DGKB: variants seen among roughly 807,000 people sequenced by gnomAD.
DGKB encodes the protein diacylglycerol kinase beta, also known as 90 kDa diacylglycerol kinase.
In DGKB, 67 loss-of-function variants were observed where a neutral mutation model predicts 114.3. The observed-to-expected ratio is 0.59, with a 90% CI of 0.48 to 0.72. The LOEUF is 0.72. Ranked by LOEUF, DGKB falls within the 30% of genes least tolerant of loss-of-function variation. The probability of loss-of-function intolerance (pLI) is 0.00; values close to 1 mark genes in which losing one functional copy is unlikely to be tolerated. For synonymous variants in DGKB, 398 were observed against 323.1 expected (o/e 1.23, Z -2.49); for missense variants, 907 against 975.2 (o/e 0.93, Z 0.93).
At chr7:14,856,614 T>C (rs1850186709) in intron 1 of DGKB, among the ~76,000 whole-genome samples, 1 of 152,100 alleles carries the variant, frequency 6.6e-6, no homozygotes, top group Non-Finnish European at 1.5e-5. Flanking sequence ...TGCACGTGGC[T>C]CTGTCTCATT....
At chr7:14,875,251 C>T (rs1341071495) in intron 1 of DGKB, among the ~76,000 whole-genome samples, 1 of 152,002 alleles carries the variant, frequency 6.6e-6, no homozygotes, top group Non-Finnish European at 1.5e-5. Context: ...AAGTTTCATA[C>T]CTCTATATTT....
chr7:14,552,466 G>C (rs1285547485), intron 20 of DGKB, among the ~76,000 whole-genome samples: 2 of 152,084 alleles, frequency 1.3e-5, no homozygotes, highest in Non-Finnish European at 1.5e-5. Context: ...CCCATAAAGA[G>C]TATATTTTGC....
chr7:14,811,341 G>T (rs73070769), intron 2 of DGKB, among the ~76,000 whole-genome samples: 1 of 152,072 alleles, frequency 6.6e-6, no homozygotes, highest in Non-Finnish European at 1.5e-5. Context: ...CTGAGTAGCC[G>T]GGACTACAGG....
intron 23 of DGKB, among the ~76,000 whole-genome samples, chr7:14,200,555 T>G (rs1324201247): frequency 2.0e-5 from 3 of 152,088 alleles, no homozygotes; most frequent in Non-Finnish European, 1.5e-5. Context: ...TTACATTTTA[T>G]CTCAATGTTT....
intron 23 of DGKB, among the ~76,000 whole-genome samples, chr7:14,253,826 A>C (rs1795587416): frequency 6.6e-6 from 1 of 152,198 alleles, no homozygotes; most frequent in Non-Finnish European, 1.5e-5. Context: ...CCAAATATAC[A>C]GTATGTGCCT....
chr7:14,776,339 C>G (rs1336357782), intron 2 of DGKB, among the ~76,000 whole-genome samples: 1 of 152,168 alleles, frequency 6.6e-6, no homozygotes. Flanking sequence ...TAACAAGGAG[C>G]TGAATGTTAA....
chr7:14,421,028 T>C (rs1192310779), intron 21 of DGKB, among the ~76,000 whole-genome samples: 1 of 152,098 alleles, frequency 6.6e-6, no homozygotes, highest in Non-Finnish European at 1.5e-5. Context: ...GGCCAATCCT[T>C]CATTTGCATA....
chr7:14,491,755 G>C (rs531199699), intron 20 of DGKB, among the ~76,000 whole-genome samples: 10 of 151,958 alleles, frequency 6.6e-5, no homozygotes, highest in African/African-American at 2.4e-4. Context: ...CTTTTTAAAT[G>C]ATAAATAACA....
At chr7:14,538,839 T>C (rs1180554485) in intron 20 of DGKB, among the ~76,000 whole-genome samples, 1 of 152,110 alleles carries the variant, frequency 6.6e-6, no homozygotes, top group Admixed American at 6.5e-5. Flanking sequence ...ACAACACGGA[T>C]GGACCTGGAC....
intron 2 of DGKB, among the ~76,000 whole-genome samples, chr7:14,804,070 GGTGTGTGTGTGTGTGT>G (rs34964846): frequency 6.8e-6 from 1 of 146,508 alleles, no homozygotes; most frequent in Non-Finnish European, 1.5e-5. Context: ...TCACTTTTTG[GGTGTGTGTGTGTGTGT>G]GTGTGTGTGT....
intron 13 of DGKB, among the ~76,000 whole-genome samples, chr7:14,662,088 G>C (rs1311655592): frequency 1.3e-5 from 2 of 152,152 alleles, no homozygotes; most frequent in African/African-American, 4.8e-5. Flanking sequence ...ATATCAATGG[G>C]AGATATACCT....
At chr7:14,245,305 G>A (rs1163434397) in intron 23 of DGKB, among the ~76,000 whole-genome samples, 1 of 152,186 alleles carries the variant, frequency 6.6e-6, no homozygotes, top group Non-Finnish European at 1.5e-5. Flanking sequence ...TTATTTAACA[G>A]TGATATCAGG....
At chr7:14,208,374 A>C (rs900198108) in intron 23 of DGKB, among the ~76,000 whole-genome samples, 1 of 152,048 alleles carries the variant, frequency 6.6e-6, no homozygotes, top group African/African-American at 2.4e-5. Flanking sequence ...AACTTGAAGA[A>C]AACAAAGACC....
Position 14,841,328 on chromosome 7 carries a change from G to T in DGKB, c.-65C>A. 3.6e-6 allele frequency: 5 copies of T among 1,402,366 alleles called. No individual in the cohort carries two copies. In the South Asian group the frequency reaches 5.0e-5, roughly 14 times the overall value. The allele number at this position is 1,402,366 out of a possible 1,614,324, so 86.9% of individuals were successfully genotyped here. ...TTCTTTATTCAGGTGTTGCGCAGAGGTCTATGCTTCAAAGATTCCACATGG... is the reference window on the plus strand; with the variant it reads ...TTCTTTATTCAGGTGTTGCGCAGAGTTCTATGCTTCAAAGATTCCACATGG... On this transcript the variant is annotated 5_prime_UTR_variant, in exon 2 of 26. Transcript: ENST00000402815.
intron 15 of DGKB, among the ~76,000 whole-genome samples, chr7:14,619,077 T>C (rs2128810505): frequency 6.6e-6 from 1 of 151,746 alleles, no homozygotes; most frequent in South Asian, 2.1e-4. Context: ...TGGCTATATA[T>C]GTGTATTCTA....
intron 2 of DGKB, among the ~76,000 whole-genome samples, chr7:14,776,052 C>T (rs1207719324): frequency 6.6e-6 from 1 of 152,016 alleles, no homozygotes; most frequent in Non-Finnish European, 1.5e-5. Context: ...GAGGTGGTCT[C>T]AGACGGAGAT....
intron 23 of DGKB, among the ~76,000 whole-genome samples, chr7:14,270,994 A>T (rs925355967): frequency 4.6e-5 from 7 of 152,222 alleles, no homozygotes; most frequent in African/African-American, 1.7e-4. Context: ...ATCTTACAGA[A>T]CTACTAACGT....
At chr7:14,918,978 G>A (rs566894791) in intron 1 of DGKB, among the ~76,000 whole-genome samples, 1 of 151,456 alleles carries the variant, frequency 6.6e-6, no homozygotes, top group Non-Finnish European at 1.5e-5. Context: ...CAGGAGAATC[G>A]TTTGAACCCA....
At chr7:14,792,691 A>T (rs1272438102) in intron 2 of DGKB, among the ~76,000 whole-genome samples, 1 of 151,678 alleles carries the variant, frequency 6.6e-6, no homozygotes, top group Non-Finnish European at 1.5e-5. Flanking sequence ...AAGTTAAAAT[A>T]TGTTTTGCTT....
Sources: gnomAD v4.1 joint callset for allele counts (sites outside exome capture counted in the v4.1 genomes callset) on GRCh38, gnomAD v4.1.1 for gene constraint, MANE v1.5 for transcripts, NCBI Gene and HGNC (gene_info 2026-07-23, HGNC 2026-07-21) for gene names.